Variants in TOX2 observed in about 807,000 individuals in gnomAD.
TOX2 encodes the protein TOX high mobility group box family member 2, also known as granulosa cell HMG box 1.
TOX2 carries 15 observed loss-of-function variants against 47.4 expected under a neutral mutation model. The observed-to-expected ratio is 0.32, with a 90% confidence interval of 0.21 to 0.49. TOX2 has a LOEUF of 0.49. Ranked by LOEUF, TOX2 falls within the 20% of genes least tolerant of loss-of-function variation. The probability of loss-of-function intolerance (pLI) is 0.99; values close to 1 mark genes in which losing one functional copy is unlikely to be tolerated. For synonymous variants in TOX2, 290 were observed against 296.6 expected (o/e 0.98, Z 0.23); for missense variants, 622 against 673.1 (o/e 0.92, Z 0.84).
intron 1 of TOX2, among the ~76,000 whole-genome samples, chr20:43,930,568 G>T (rs558238975): frequency 6.6e-6 from 1 of 152,176 alleles, no homozygotes; most frequent in Non-Finnish European, 1.5e-5. Context: ...TGGGAATGAT[G>T]ACCTTGCCTT....
chr20:43,964,852 A>G (rs1285530309), intron 1 of TOX2, among the ~76,000 whole-genome samples: 1 of 152,174 alleles, frequency 6.6e-6, no homozygotes, highest in East Asian at 1.9e-4. Flanking sequence ...TGCTCACAGC[A>G]GCCTTGGATG....
intron 3 of TOX2, among the ~76,000 whole-genome samples, chr20:44,020,309 C>T (rs1231697038): frequency 6.6e-6 from 1 of 152,054 alleles, no homozygotes; most frequent in Non-Finnish European, 1.5e-5. Flanking sequence ...TAAGACGGCC[C>T]CCCAAGGGAG....
intron 2 of TOX2, among the ~76,000 whole-genome samples, chr20:43,980,347 A>C (rs1216856173): frequency 6.6e-6 from 1 of 152,186 alleles, no homozygotes; most frequent in Non-Finnish European, 1.5e-5. Flanking sequence ...GGAGATAGGG[A>C]GTAGAAGGAT....
rs541237174 is a variant in TOX2, at chr20:43,986,264, T to C, written c.165+12832T>C. 2.0e-5 allele frequency among the ~76,000 whole-genome samples: 3 copies of C among 151,250 alleles called. No homozygotes were observed. The South Asian group carries it at 6.4e-4, about 32-fold the overall frequency. ...ACGAGGAAGCCTTTTAAAATGTATG[T>C]ATGTATGTATGTATGTATGTATGTG... is the stretch of plus-strand genomic sequence containing the variant. On this transcript the variant is annotated intron_variant, in intron 2 of 8. Transcript: ENST00000341197.
chr20:44,045,211 G>A lies in TOX2; in HGVS notation c.412-6095G>A, dbSNP rs1600776991. 2.6e-5 allele frequency among the ~76,000 whole-genome samples: 4 copies of A among 152,256 alleles called. 1 individual carries two copies. In the South Asian group the frequency reaches 8.3e-4, roughly 32 times the overall value. On this transcript the variant is annotated intron_variant, in intron 3 of 8. Coordinates refer to ENST00000341197, the MANE Select transcript of TOX2 (RefSeq NM_001098797.2). ...GCTGGTGATGGCTGCATAATGGCGTGAACATATTTAATGCCACTGAACTGT... is the reference window on the plus strand; with the variant it reads ...GCTGGTGATGGCTGCATAATGGCGTAAACATATTTAATGCCACTGAACTGT...
chr20:44,019,677 G>C (rs1030827246), intron 3 of TOX2, among the ~76,000 whole-genome samples: 3 of 152,208 alleles, frequency 2.0e-5, no homozygotes, highest in Non-Finnish European at 4.4e-5. Context: ...GGATGCTGGA[G>C]CCCTGAGGAA....
intron 5 of TOX2, among the ~76,000 whole-genome samples, chr20:44,061,628 CAA>C (rs1307236689): frequency 1.3e-5 from 2 of 151,890 alleles, no homozygotes; most frequent in Non-Finnish European, 2.9e-5. Flanking sequence ...AGCAATCAGA[CAA>C]GAGAAAGAAA....
At chr20:43,976,501 C>A (rs113569241) in intron 2 of TOX2, among the ~76,000 whole-genome samples, 2,546 of 152,328 alleles carry the variant, frequency 0.017, 55 homozygotes, top group African/African-American at 0.058. Flanking sequence ...AAGCCAGTCA[C>A]AGGACCAGCC....
chr20:44,020,887 T>TC (rs35817235), intron 3 of TOX2, among the ~76,000 whole-genome samples: 1 of 152,008 alleles, frequency 6.6e-6, no homozygotes, highest in Non-Finnish European at 1.5e-5. Flanking sequence ...GCAGACTTTT[T>TC]CCCCCCAGAG....
At chr20:43,958,755 G>T (rs558137114) in intron 1 of TOX2, among the ~76,000 whole-genome samples, 2 of 152,340 alleles carry the variant, frequency 1.3e-5, no homozygotes, top group East Asian at 1.9e-4. Context: ...AGGCTTACAG[G>T]ACTCAACAAT....
intron 1 of TOX2, among the ~76,000 whole-genome samples, chr20:43,951,707 G>GT (rs59829203): frequency 0.025 from 1,403 of 55,094 alleles, 273 homozygotes; most frequent in Middle Eastern, 0.068. Flanking sequence ...AACTTATTAT[G>GT]TTTTTTTTTT....
chr20:44,067,651 C>T (rs1319099159), intron 8 of TOX2, among the ~76,000 whole-genome samples: 2 of 152,146 alleles, frequency 1.3e-5, no homozygotes, highest in Non-Finnish European at 2.9e-5. Flanking sequence ...TCCTGCACTC[C>T]ACCTTTCAAA....
rs1000597384 is a variant in TOX2 at position 44,056,531 on chromosome 20, C to T, written c.879+2005C>T. On this transcript the variant is annotated intron_variant, in intron 5 of 8. Coordinates refer to ENST00000341197, the MANE Select transcript of TOX2 (RefSeq NM_001098797.2). ...CGATGCTTTCTCTGACCTCATTCAG[C>T]GCAGCCCAGAGGCAAGCAAAGGTGG... is the stretch of plus-strand genomic sequence containing the variant. Among the ~76,000 whole-genome samples the T allele has an allele frequency of 6.6e-5, 10 of 152,194 alleles. No homozygotes were observed. In the East Asian group the frequency reaches 9.6e-4, roughly 15 times the overall value.
In TOX2 at chr20:44,068,802, G is replaced by A; in HGVS notation, c.*116G>A. ...AGGGTGGCCCATCGGAGAGAGCAGTGACACACCCATTGCCCGGGGGCTGAG... is the reference window on the plus strand; with the variant it reads ...AGGGTGGCCCATCGGAGAGAGCAGTAACACACCCATTGCCCGGGGGCTGAG... On this transcript the variant is annotated 3_prime_UTR_variant, in exon 9 of 9. Transcript: ENST00000341197. 4 of 1,395,304 alleles carry A rather than the reference G, an allele frequency of 2.9e-6. No individual in the cohort carries two copies. Among genetic ancestry groups the A allele is most frequent in the Non-Finnish European group, 4.0e-6 (4 of 1,000,832 alleles). The allele number at this position is 1,395,304 out of a possible 1,614,324, so 86.4% of individuals were successfully genotyped here.
intron 8 of TOX2, among the ~76,000 whole-genome samples, chr20:44,067,168 G>T (rs1292627960): frequency 6.6e-6 from 1 of 152,112 alleles, no homozygotes; most frequent in Non-Finnish European, 1.5e-5. Flanking sequence ...TCTTAGGCCA[G>T]TTCCCTAGAA....
In TOX2 at chr20:43,915,447, G is replaced by A. The variant is rs1018090616; in HGVS notation, c.99+457G>A. 6.6e-5 allele frequency among the ~76,000 whole-genome samples: 10 copies of A among 152,062 alleles called. No individual in the cohort carries two copies. Among genetic ancestry groups the A allele is most frequent in the African/African-American group, 2.2e-4 (9 of 41,490 alleles). On this transcript the variant is annotated intron_variant, in intron 1 of 8. Coordinates refer to ENST00000341197, the MANE Select transcript of TOX2 (RefSeq NM_001098797.2). This position sits in a 1 kb window ranked among gnomAD's most constrained non-coding sequence, Gnocchi z 7.1. The stretch of plus-strand genomic sequence containing the variant: ...CACACACCGTGACATGCCCCCACCC[G>A]CTGTCACACCCAGGCACAACGGGGG...
At chr20:43,956,559 TAAAA>T (rs11474983) in intron 1 of TOX2, among the ~76,000 whole-genome samples, 2 of 120,464 alleles carry the variant, frequency 1.7e-5, no homozygotes, top group Admixed American at 8.6e-5. Flanking sequence ...GTTCTATCTT[TAAAA>T]AAAAAAAAAA....
intron 1 of TOX2, among the ~76,000 whole-genome samples, chr20:43,943,595 C>G (rs2069428824): frequency 6.6e-6 from 1 of 152,054 alleles, no homozygotes; most frequent in South Asian, 2.1e-4. Flanking sequence ...ACACATTGCT[C>G]CAGCTTCTGG....
chr20:43,951,707 G>GTTTTTTTTTTTTTTTTGTTTTTT (rs2069572312), intron 1 of TOX2, among the ~76,000 whole-genome samples: 1 of 55,098 alleles, frequency 1.8e-5, no homozygotes, highest in Non-Finnish European at 3.9e-5. Context: ...AACTTATTAT[G>GTTTTTTTTTTTTTTTTGTTTTTT]TTTTTTTTTT....
Sources: allele counts gnomAD v4.1 joint callset (sites outside exome capture counted in the v4.1 genomes callset), GRCh38; gene constraint gnomAD v4.1.1; non-coding constraint Gnocchi (gnomAD v3.1); transcripts MANE v1.5; gene names NCBI Gene and HGNC (gene_info 2026-07-23, HGNC 2026-07-21).